ILRUN: variants seen among roughly 807,000 people sequenced by gnomAD.
ILRUN encodes the protein protein ILRUN.
A neutral mutation model predicts 33.8 loss-of-function variants in ILRUN; 3 were observed. The observed-to-expected ratio is 0.09, with a 90% CI of 0.04 to 0.23. The LOEUF is 0.23. Among genes scored for constraint, ILRUN ranks in the 10% least tolerant of loss-of-function variants. ILRUN has a pLI of 1.00. For missense variants in ILRUN, 210 were observed against 375.1 expected, an observed-to-expected ratio of 0.56 and a Z score of 3.64; for synonymous variants, 124 against 138.9, an observed-to-expected ratio of 0.89 and a Z score of 0.75.
At chr6:34,670,992 C>T (rs1449554241) in intron 1 of ILRUN, among the ~76,000 whole-genome samples, 2 of 152,092 alleles carry the variant, frequency 1.3e-5, no homozygotes, top group Non-Finnish European at 2.9e-5. Context: ...CAGATGAGCA[C>T]ATTGATCCCT....
At chr6:34,594,500 A>G (rs981638085) in intron 4 of ILRUN, among the ~76,000 whole-genome samples, 1 of 152,250 alleles carries the variant, frequency 6.6e-6, no homozygotes, top group African/African-American at 2.4e-5. Flanking sequence ...CCACTTACAC[A>G]GAAATGGGTT....
intron 3 of ILRUN, among the ~76,000 whole-genome samples, chr6:34,620,604 T>G (rs1366112983): frequency 1.3e-5 from 2 of 152,130 alleles, no homozygotes; most frequent in Non-Finnish European, 2.9e-5. Context: ...CCCAGGAGGC[T>G]AAGGTAGAAG....
At position 34,662,254 on chromosome 6, in the gene ILRUN, C is replaced by T. The variant is rs566279030; in HGVS notation, c.159-7475G>A. ...CTGGGAGGCAGAGCTTGCAGTGAGC[C>T]GAGATCGCGCCACTGCACTCCAGCC... On this transcript the variant is annotated intron_variant, in intron 1 of 4. Transcript: ENST00000374023. Among the ~76,000 whole-genome samples, 28 of 147,306 alleles carry T rather than the reference C, an allele frequency of 1.9e-4. 1 individual carries two copies. The highest frequency in any genetic ancestry group is 1.5e-3 in the Admixed American group (22 of 14,570).
chr6:34,634,618 T>C (rs2127351044), intron 3 of ILRUN, among the ~76,000 whole-genome samples: 1 of 152,204 alleles, frequency 6.6e-6, no homozygotes, highest in South Asian at 2.1e-4. Context: ...GAAGGGATTA[T>C]CATCAAACAT....
At chr6:34,681,479 T>C (rs953184799) in intron 1 of ILRUN, among the ~76,000 whole-genome samples, 4 of 152,102 alleles carry the variant, frequency 2.6e-5, no homozygotes, top group Non-Finnish European at 5.9e-5. Context: ...GTTTAAACCC[T>C]TTCACCGGGT....
At chr6:34,599,900 G>T (rs1281437797) in intron 4 of ILRUN, among the ~76,000 whole-genome samples, 1 of 152,198 alleles carries the variant, frequency 6.6e-6, no homozygotes, top group Non-Finnish European at 1.5e-5. Context: ...GAATCCTGGT[G>T]TTATCCTTTC....
intron 3 of ILRUN, among the ~76,000 whole-genome samples, chr6:34,627,164 T>C (rs1433948819): frequency 6.6e-6 from 1 of 152,194 alleles, no homozygotes; most frequent in African/African-American, 2.4e-5. Flanking sequence ...TCCAACAGTA[T>C]GTAGCCTTTT....
intron 1 of ILRUN, among the ~76,000 whole-genome samples, chr6:34,677,921 CGTGA>C (rs1016325197): frequency 4.0e-5 from 5 of 124,922 alleles, no homozygotes; most frequent in South Asian, 2.4e-4. Flanking sequence ...TGCACTCTAG[CGTGA>C]GTGACAGTGA....
chr6:34,625,846 CTTTTTTTTTT>C (rs58219612), intron 3 of ILRUN, among the ~76,000 whole-genome samples: 1 of 114,250 alleles, frequency 8.8e-6, no homozygotes, highest in Non-Finnish European at 1.7e-5. Context: ...TATTGAAAGG[CTTTTTTTTTT>C]TTTTTTTTTT....
chr6:34,607,036 T>A, intron 3 of ILRUN, 132 bp from the exon 4 acceptor site: 1 of 712,612 alleles, frequency 1.4e-6, no homozygotes, highest in Non-Finnish European at 2.3e-6. Context: ...TTTAAAAGCT[T>A]GCTAACAAAG....
intron 1 of ILRUN, among the ~76,000 whole-genome samples, chr6:34,669,070 C>A (rs1437327225): frequency 6.6e-6 from 1 of 151,952 alleles, no homozygotes; most frequent in African/African-American, 2.4e-5. Context: ...GTCTCAAACT[C>A]CTGACCTCAG....
At chr6:34,680,464 TC>T (rs1459254809) in intron 1 of ILRUN, among the ~76,000 whole-genome samples, 5 of 152,132 alleles carry the variant, frequency 3.3e-5, no homozygotes. Context: ...ATAAATCATG[TC>T]TTTTTTTGTT....
At chr6:34,655,986 G>A (rs963501002) in intron 1 of ILRUN, among the ~76,000 whole-genome samples, 1 of 152,118 alleles carries the variant, frequency 6.6e-6, no homozygotes. Context: ...TGTAATCCCA[G>A]TACTTTGGGA....
At chr6:34,690,167 G>A (rs1425583316) in intron 1 of ILRUN, among the ~76,000 whole-genome samples, 1 of 152,092 alleles carries the variant, frequency 6.6e-6, no homozygotes, top group Admixed American at 6.6e-5. Context: ...ACCTTAAACT[G>A]ATTAAAATGC....
intron 1 of ILRUN, among the ~76,000 whole-genome samples, chr6:34,683,465 T>TATATATATACAC (rs1562033022): frequency 4.9e-5 from 5 of 102,132 alleles, no homozygotes; most frequent in African/African-American, 1.1e-4. Context: ...TATATATACA[T>TATATATATACAC]ATATATACAC....
At chr6:34,648,288 C>T (rs1369116912) in intron 2 of ILRUN, among the ~76,000 whole-genome samples, 3 of 152,146 alleles carry the variant, frequency 2.0e-5, no homozygotes, top group Non-Finnish European at 2.9e-5. Context: ...TTATCTCCTA[C>T]CAGTACTCTA....
At chr6:34,599,541 C>A (rs146710328) in intron 4 of ILRUN, among the ~76,000 whole-genome samples, 6 of 152,232 alleles carry the variant, frequency 3.9e-5, no homozygotes, top group Admixed American at 3.9e-4. Flanking sequence ...GACACATATA[C>A]CCTTGCCTTG....
At chr6:34,659,740 G>T (rs544294313) in intron 1 of ILRUN, among the ~76,000 whole-genome samples, 78 of 147,194 alleles carry the variant, frequency 5.3e-4, no homozygotes, top group Admixed American at 1.2e-3. Flanking sequence ...TCCTACCTCA[G>T]CCTCCGGAGT....
Position 34,692,862 on chromosome 6 carries a change from C to T in ILRUN, c.158+3584G>A, listed in dbSNP as rs549537351. On this transcript the variant is annotated intron_variant, in intron 1 of 4. Coordinates refer to ENST00000374023, the MANE Select transcript of ILRUN (RefSeq NM_024294.4). ...GCCAACCTTGAATCTTGTTATATAA[C>T]GTGCACATTACCCGTCTGACATGAG... is the stretch of plus-strand genomic sequence containing the variant. Among the ~76,000 whole-genome samples the T allele has an allele frequency of 9.2e-5, 14 of 151,772 alleles. No homozygotes were observed. The East Asian group carries it at 1.9e-3, about 21-fold the overall frequency.
Sources: gnomAD v4.1 joint callset for allele counts (sites outside exome capture counted in the v4.1 genomes callset) on GRCh38, gnomAD v4.1.1 for gene constraint, MANE v1.5 for transcripts, NCBI Gene and HGNC (gene_info 2026-07-23, HGNC 2026-07-21) for gene names.